CDAN1: variants seen among roughly 807,000 people sequenced by gnomAD.
The protein encoded by CDAN1 is codanin 1.
A neutral mutation model predicts 139.8 loss-of-function variants in CDAN1; 107 were observed. That is an observed-to-expected ratio of 0.77 (90% confidence interval 0.65 to 0.90). The LOEUF is 0.90. Among genes scored for constraint, CDAN1 ranks in the 40% least tolerant of loss-of-function variants. The pLI, the probability that CDAN1 is intolerant of heterozygous loss-of-function variation, is 0.00. For synonymous variants in CDAN1, 776 were observed against 660.6 expected, an observed-to-expected ratio of 1.17 and a Z score of -2.68; for missense variants, 1,667 against 1,575.7, an observed-to-expected ratio of 1.06 and a Z score of -0.98.
rs1394720207 is a variant in CDAN1, at chr15:42,728,717, C to T, written c.2739G>A (p.Gln913=). The part of the protein sequence containing the change: ...TQGEEGGDPA[Q]LLEILCSQLC... ...GCTGGGAACACAAGATCTCCAACAG[C>T]TGGGCTGGGTCTCCCCCTTCCTCTC... Residue 913 remains glutamine (Q), a synonymous_variant, in exon 20 of 28, where the codon CAG becomes CAA. Transcript: ENST00000356231. The T allele has an allele frequency of 1.2e-6, 2 of 1,614,120 alleles. No individual in the cohort carries two copies. The highest frequency in any genetic ancestry group is 1.6e-4 in the Middle Eastern group (1 of 6,084).
intron 14 of CDAN1, 70 bp downstream of exon 14, chr15:42,730,527 AT>A (rs1319605421): frequency 1.3e-6 from 2 of 1,563,108 alleles, no homozygotes; most frequent in East Asian, 4.5e-5. Flanking sequence ...GACCCTCTTT[AT>A]TAATAGCAGG....
At chr15:42,732,541 G>C (rs1345076751) in intron 9 of CDAN1, 133 bp from the exon 10 acceptor site, 4 of 783,360 alleles carry the variant, frequency 5.1e-6, no homozygotes, top group Non-Finnish European at 6.7e-6. Flanking sequence ...GAGCCAGCCT[G>C]CAAAGGGACA....
Position 42,724,363 on chromosome 15 carries a change from C to G in CDAN1, c.*128G>C. ...ATGCCAGGCAGTGACACCCTTAGAGCAGGAAGTCTGACTGTAGACCCAGCT... is the reference window on the plus strand; with the variant it reads ...ATGCCAGGCAGTGACACCCTTAGAGGAGGAAGTCTGACTGTAGACCCAGCT... On this transcript the variant is annotated 3_prime_UTR_variant, in exon 28 of 28. Coordinates refer to ENST00000356231, the MANE Select transcript of CDAN1 (RefSeq NM_138477.4). 1.6e-6 allele frequency: 2 copies of G among 1,258,908 alleles called. No homozygotes were observed. The highest frequency in any genetic ancestry group is 2.2e-6 in the Non-Finnish European group (2 of 896,730). The allele number at this position is 1,258,908 out of a possible 1,614,324, so 78.0% of individuals were successfully genotyped here. A position where few individuals can be genotyped will look rare whatever the true frequency, so the allele number is the denominator to read the frequency against.
Position 42,733,100 on chromosome 15 carries a change from A to G in CDAN1, c.1454T>C (p.Ile485Thr). Residue 485 changes from isoleucine (I) to threonine (T), a missense_variant, in exon 9 of 28, where the codon ATC becomes ACC. By Grantham distance (89) the Ile-to-Thr change is moderately conservative. Coordinates refer to ENST00000356231, the MANE Select transcript of CDAN1 (RefSeq NM_138477.4). The stretch of plus-strand genomic sequence containing the variant: ...AAGACAAGGTCTGAGCACCCACCTG[A>G]TTCTGCTGCCCAAGCCCTTCTCAAA... ...WDFEKGLGSR[I>T]RAMMGQLSAA... 1 of 1,613,898 alleles carries G rather than the reference A, an allele frequency of 6.2e-7. No individual in the cohort carries two copies. The highest frequency in any genetic ancestry group is 8.5e-7 in the Non-Finnish European group (1 of 1,179,882).
chr15:42,725,975 CA>C (rs886492399), intron 25 of CDAN1, 121 bp downstream of exon 25: 27,167 of 335,314 alleles, frequency 0.081, no homozygotes, highest in Non-Finnish European at 0.092. Flanking sequence ...GATTCCGTCT[CA>C]AAAAAAAAAA....
intron 25 of CDAN1, 58 bp downstream of exon 25, chr15:42,726,039 C>A: frequency 7.0e-7 from 1 of 1,426,298 alleles, no homozygotes; most frequent in South Asian, 1.2e-5. Flanking sequence ...TTGCTTGTAC[C>A]CAACCCTGAG....
rs918868622 is a variant in CDAN1, at chr15:42,725,778, T to C, written c.3269-108A>G. The C allele has an allele frequency of 4.3e-6, 5 of 1,163,146 alleles. No individual in the cohort carries two copies. In the South Asian group the frequency reaches 5.5e-5, roughly 13 times the overall value. 72.1% of individuals were successfully genotyped at this position (1,163,146 alleles called of 1,614,324 possible). On this transcript the variant is annotated intron_variant, in intron 25 of 27. Transcript: ENST00000356231. ...GAGGCTGAGGTGGGCAGATCAGGGG[T>C]TCGAGACCAGTCTGGCCAACATAGT...
At chr15:42,728,933 C>T (rs1157709252) in intron 19 of CDAN1, 90 bp downstream of exon 19, 8 of 1,574,160 alleles carry the variant, frequency 5.1e-6, no homozygotes, top group Non-Finnish European at 6.1e-6. Flanking sequence ...CCCACACCCA[C>T]CCTCTGGCTG....
At chr15:42,727,268 C>A in intron 23 of CDAN1, 1 of 222,742 alleles carries the variant, frequency 4.5e-6, no homozygotes, top group Non-Finnish European at 8.8e-6. Context: ...TAGAACATTT[C>A]TGAAATTGTC....
chr15:42,725,420 T>C lies in CDAN1; in HGVS notation c.3450+69A>G, dbSNP rs1020047889. 8 of 1,581,900 alleles carry C rather than the reference T, an allele frequency of 5.1e-6. No homozygotes were observed. The African/African-American group carries it at 8.1e-5, about 16-fold the overall frequency. On this transcript the variant is annotated intron_variant, in intron 26 of 27. Coordinates refer to ENST00000356231, the MANE Select transcript of CDAN1 (RefSeq NM_138477.4). ...GAAATAAAGGATGCAGAGCAGCTCA[T>C]AGTTTGGGGCAAGGGTGGTGGATGT...
In CDAN1 at chr15:42,732,815, C is replaced by CA. The variant is rs11448522; in HGVS notation, c.1457+281dup. 0.41 allele frequency among the ~76,000 whole-genome samples: 61,642 copies of CA among 151,786 alleles called. 18,285 individuals are homozygous for CA. The highest frequency in any genetic ancestry group is 0.84 in the African/African-American group (34,764 of 41,384). Reference sequence around the variant, plus strand: ...GATGTGTCTAAGCAGTGACTTGGGCCAAAAAAACCTCAAGCAACCTGAGTT... The same window carrying CA: ...GATGTGTCTAAGCAGTGACTTGGGCCAAAAAAAACCTCAAGCAACCTGAGTT... On this transcript the variant is annotated intron_variant, in intron 9 of 27. Coordinates refer to ENST00000356231, the MANE Select transcript of CDAN1 (RefSeq NM_138477.4).
In CDAN1 at chr15:42,736,455, C is replaced by G; in HGVS notation, c.416G>C (p.Gly139Ala). The stretch of plus-strand genomic sequence containing the variant: ...TCCGGGCAGGCTCTCCCCGCTGACC[C>G]CCTCCTCCAGGCCGCGGCCTCCACG... ...RERGGRGLEE[G>A]VSGESLPGAG... is the part of the protein sequence containing the mutation. The change falls in exon 2 of 28, where the codon GGG (glycine) becomes GCG (alanine). Residue 139 changes from glycine (G) to alanine (A), a missense_variant. Coordinates refer to ENST00000356231, the MANE Select transcript of CDAN1 (RefSeq NM_138477.4). The G allele has an allele frequency of 6.4e-7, 1 of 1,558,656 alleles. No homozygotes were observed. The highest frequency in any genetic ancestry group is 8.7e-7 in the Non-Finnish European group (1 of 1,154,484).
intron 15 of CDAN1, 37 bp from the exon 16 acceptor site, chr15:42,729,922 A>ACCCCCCCCCCCCCCCC: frequency 6.6e-7 from 1 of 1,513,200 alleles, no homozygotes; most frequent in South Asian, 1.2e-5. Context: ...AACTTCAGAG[A>ACCCCCCCCCCCCCCCC]CCCCCACCCA....
At chr15:42,734,406 G>A in intron 6 of CDAN1, 60 bp from the exon 7 acceptor site, 1 of 1,606,182 alleles carries the variant, frequency 6.2e-7, no homozygotes, top group Non-Finnish European at 8.5e-7. Context: ...TAGGAAGCAA[G>A]CACCTGCACA....
rs1232563631 is a variant in CDAN1, at chr15:42,737,012, C to A, written c.90+1G>T. ...ACCTGGGGGCGTGTCACCGCTGTTA[C>A]CTCCGAACCCTGGGTGCTGCGCGCG... On this transcript the variant is annotated splice_donor_variant, in intron 1 of 27. Transcript: ENST00000356231. LOFTEE classifies it high-confidence loss of function. 8 of 1,545,884 alleles carry A rather than the reference C, an allele frequency of 5.2e-6. No individual in the cohort carries two copies. The highest frequency in any genetic ancestry group is 2.5e-5 in the East Asian group (1 of 40,682).
At position 42,729,377 on chromosome 15, in the gene CDAN1, T is replaced by TC. The variant is rs2061578526; in HGVS notation, c.2408-16dup. The TC allele has an allele frequency of 1.2e-6, 2 of 1,613,930 alleles. No individual in the cohort carries two copies. The highest frequency in any genetic ancestry group is 1.3e-5 in the African/African-American group (1 of 74,870). On this transcript the variant is annotated splice_polypyrimidine_tract_variant and intron_variant, in intron 17 of 27. Transcript: ENST00000356231. Reference sequence around the variant, plus strand: ...CCGGAGCTCTCCTGTATCAGTGAAGTCCAAGTTCTCAGTTCCAGAACCCTC... The same window carrying TC: ...CCGGAGCTCTCCTGTATCAGTGAAGTCCCAAGTTCTCAGTTCCAGAACCCTC...
Position 42,727,684 on chromosome 15 carries a change from C to T in CDAN1, c.3033G>A (p.Arg1011=). 3 of 1,586,956 alleles carry T rather than the reference C, an allele frequency of 1.9e-6. No homozygotes were observed. In the East Asian group the frequency reaches 6.8e-5, roughly 36 times the overall value. The change falls in exon 23 of 28, where the codon AGG becomes AGA. Residue 1011 remains arginine (R), a synonymous_variant. Transcript: ENST00000356231. ...GPEPAARGER[R]GCSRACEHHA... ...GGTGCTCACAGGCGCGGGAGCAGCC[C>T]CTCCGCTCCCCCCGGGCAGCAGGTT...
rs2061563505 is a variant in CDAN1, at chr15:42,728,567, G to A, written c.2804+85C>T. ...AAAAAGGAGGCATGAAGAGAAGAAA[G>A]GGAAAAAAGAGTAAGTGTGAAGGAG... is the stretch of plus-strand genomic sequence containing the variant. On this transcript the variant is annotated intron_variant, in intron 20 of 27. Coordinates refer to ENST00000356231, the MANE Select transcript of CDAN1 (RefSeq NM_138477.4). 54 of 1,559,256 alleles carry A rather than the reference G, an allele frequency of 3.5e-5. 1 individual carries two copies. The Middle Eastern group carries it at 6.7e-4, about 19-fold the overall frequency.
In CDAN1 at chr15:42,735,667, C is replaced by G. The variant is rs755621079; in HGVS notation, c.786G>C (p.Leu262=). 2 of 1,614,080 alleles carry G rather than the reference C, an allele frequency of 1.2e-6. No individual in the cohort carries two copies. The highest frequency in any genetic ancestry group is 2.2e-5 in the South Asian group (2 of 91,090). The part of the protein sequence containing the change: ...EMLRKERSKQ[L]QQSPTPTCPT... ...GACAGGTGGGGGTAGGTGACTGCTG[C>G]AGCTGCTTAGAGCTATGGAATAAAG... Residue 262 remains leucine, a synonymous_variant, in exon 4 of 28, where the codon CTG becomes CTC. Coordinates refer to ENST00000356231, the MANE Select transcript of CDAN1 (RefSeq NM_138477.4).
Sources: allele counts gnomAD v4.1 joint callset (sites outside exome capture counted in the v4.1 genomes callset), GRCh38; gene constraint gnomAD v4.1.1; transcripts MANE v1.5; gene names NCBI Gene and HGNC (gene_info 2026-07-23, HGNC 2026-07-21).